Variants in HUWE1 observed in about 807,000 individuals in gnomAD.
HUWE1 encodes the protein HECT, UBA and WWE domain containing E3 ubiquitin protein ligase 1, also known as E3 ubiquitin-protein ligase HUWE1.
Under a neutral mutation model 299.4 loss-of-function variants are expected in HUWE1, and 18 were observed. That is an observed-to-expected ratio of 0.06 (90% confidence interval 0.04 to 0.09). The LOEUF (loss-of-function observed/expected upper bound fraction) is 0.09, where lower values mean the gene tolerates loss of function less well. HUWE1 is among the 10% of genes least tolerant of loss of function. HUWE1 has a pLI of 1.00. For missense variants in HUWE1, 1,832 were observed against 3,462.3 expected (o/e 0.53, Z 11.82); for synonymous variants, 1,317 against 1,286.1 (o/e 1.02, Z -0.51).
intron 44 of HUWE1, among the ~76,000 whole-genome samples, chrX:53,576,308 A>G (rs1556958724): frequency 8.9e-6 from 1 of 111,994 alleles, no homozygotes; most frequent in African/African-American, 3.2e-5. Context: ...GGACCTTACT[A>G]TAATGGAAAC....
intron 63 of HUWE1, 30 bp downstream of exon 63, chrX:53,552,281 C>T (rs1247626898): frequency 1.7e-6 from 2 of 1,208,164 alleles, no homozygotes; most frequent in East Asian, 3.0e-5. Context: ...AAAACAATCC[C>T]AGGATGACCT....
intron 52 of HUWE1, among the ~76,000 whole-genome samples, chrX:53,563,285 A>G (rs1235869643): frequency 2.7e-5 from 3 of 112,186 alleles, no homozygotes; most frequent in African/African-American, 6.5e-5. Context: ...CAAGTAACAC[A>G]TACACCCTCA....
intron 3 of HUWE1, among the ~76,000 whole-genome samples, chrX:53,658,689 A>G (rs782017083): frequency 1.8e-5 from 2 of 112,626 alleles, no homozygotes; most frequent in East Asian, 2.8e-4. Context: ...AACCGAAATT[A>G]CATGTTTCAC....
rs782115290 is a variant in HUWE1 at position 53,628,547 on chromosome X, G to A, written c.1188C>T (p.Tyr396=). 32 of 1,161,442 alleles carry A rather than the reference G, an allele frequency of 2.8e-5. No individual in the cohort carries two copies. In the Middle Eastern group the frequency reaches 7.0e-4, roughly 25 times the overall value. Residue 396 remains tyrosine (Y), a synonymous_variant, in exon 15 of 84, where the codon TAC becomes TAT. Transcript: ENST00000262854. ...LFSFLYHLAS[Y]DAGGEALVSC... ...AGACCAAGGCTTCACCACCAGCATCGTAGCTGGCCAGATGGTATAAAAAAG... is the reference window on the plus strand; with the variant it reads ...AGACCAAGGCTTCACCACCAGCATCATAGCTGGCCAGATGGTATAAAAAAG...
chrX:53,602,688 A>AATAT (rs35692881), intron 27 of HUWE1, 30 bp from the exon 28 acceptor site: 93 of 672,271 alleles, frequency 1.4e-4, no homozygotes, highest in African/African-American at 2.0e-4. Flanking sequence ...GAGCAAAAGA[A>AATAT]ATATATATAT....
At chrX:53,575,882 C>T (rs1602750972) in intron 44 of HUWE1, 94 bp from the exon 45 acceptor site, 2 of 906,495 alleles carry the variant, frequency 2.2e-6, no homozygotes, top group Admixed American at 2.4e-5. Flanking sequence ...GTCAATTTCA[C>T]ATCAAGTGGC....
intron 47 of HUWE1, 42 bp downstream of exon 47, chrX:53,573,708 G>T: frequency 9.5e-7 from 1 of 1,058,014 alleles, no homozygotes; most frequent in African/African-American, 1.8e-5. Flanking sequence ...CCAAATGATG[G>T]AAGTACAGTG....
intron 47 of HUWE1, among the ~76,000 whole-genome samples, chrX:53,572,399 G>A (rs1183015205): frequency 1.8e-5 from 2 of 111,699 alleles, no homozygotes; most frequent in African/African-American, 6.5e-5. Context: ...TTTAAGATTT[G>A]TGTATTTTTC....
chrX:53,623,903 C>T (rs1182023749), intron 19 of HUWE1, among the ~76,000 whole-genome samples: 1 of 112,339 alleles, frequency 8.9e-6, no homozygotes, highest in African/African-American at 3.2e-5. Flanking sequence ...TACAAGGAGA[C>T]TTTCCCTATT....
chrX:53,588,877 T>G (rs1279236342), intron 36 of HUWE1, among the ~76,000 whole-genome samples: 14 of 112,431 alleles, frequency 1.2e-4, no homozygotes, highest in African/African-American at 4.2e-4. Context: ...TTTATCTCTC[T>G]CTCTCAGAAT....
intron 60 of HUWE1, chrX:53,557,145 C>G (rs782334501): frequency 2.0e-6 from 1 of 506,601 alleles, no homozygotes; most frequent in African/African-American, 2.3e-5. Flanking sequence ...TAGATAATAA[C>G]CAGAACAAGA....
chrX:53,573,489 G>A (rs2062938555), intron 47 of HUWE1, among the ~76,000 whole-genome samples: 2 of 112,367 alleles, frequency 1.8e-5, no homozygotes, highest in South Asian at 7.4e-4. Flanking sequence ...TGTATTTTGA[G>A]TAGAGATGGG....
intron 78 of HUWE1, 73 bp downstream of exon 78, chrX:53,537,483 G>GA: frequency 9.1e-7 from 1 of 1,099,981 alleles, no homozygotes; most frequent in Non-Finnish European, 1.2e-6. Context: ...TTTGAGGCTA[G>GA]AGCAAGCCAT....
At chrX:53,604,019 A>G (rs1191763130) in intron 26 of HUWE1, among the ~76,000 whole-genome samples, 1 of 111,686 alleles carries the variant, frequency 9.0e-6, no homozygotes, top group African/African-American at 3.3e-5. Context: ...TGATTGATTC[A>G]CAATTAACAG....
intron 28 of HUWE1, among the ~76,000 whole-genome samples, chrX:53,600,963 C>T (rs1451143143): frequency 2.7e-5 from 3 of 111,296 alleles, no homozygotes; most frequent in African/African-American, 9.8e-5. Flanking sequence ...AGTTCTTAGT[C>T]AATTTATTCT....
At chrX:53,646,642 C>T (rs1250499260) in intron 6 of HUWE1, among the ~76,000 whole-genome samples, 1 of 111,716 alleles carries the variant, frequency 9.0e-6, no homozygotes, top group Non-Finnish European at 1.9e-5. Flanking sequence ...CTATTTACCT[C>T]CCACTTAAAG....
intron 61 of HUWE1, among the ~76,000 whole-genome samples, chrX:53,553,895 A>G (rs2061880408): frequency 8.9e-6 from 1 of 111,858 alleles, no homozygotes; most frequent in Non-Finnish European, 1.9e-5. Context: ...CTCTCCAGAG[A>G]ACTTCACAAG....
intron 74 of HUWE1, among the ~76,000 whole-genome samples, chrX:53,540,487 C>T (rs781932670): frequency 9.0e-6 from 1 of 111,528 alleles, no homozygotes; most frequent in Admixed American, 9.5e-5. Context: ...AGCCACCATG[C>T]CCGGCTGATT....
At chrX:53,633,795 A>G (rs1439197371) in intron 8 of HUWE1, among the ~76,000 whole-genome samples, 3 of 112,344 alleles carry the variant, frequency 2.7e-5, no homozygotes, top group Non-Finnish European at 3.8e-5. Flanking sequence ...ATAAACAAGG[A>G]AAGCACATAA....
Sources: gnomAD v4.1 joint callset for allele counts (sites outside exome capture counted in the v4.1 genomes callset) on GRCh38, gnomAD v4.1.1 for gene constraint, MANE v1.5 for transcripts, NCBI Gene and HGNC (gene_info 2026-07-23, HGNC 2026-07-21) for gene names.